The following HLA-DMA variants were observed in gnomAD, a reference collection of about 807,000 sequenced individuals.
HLA-DMA encodes HLA class II histocompatibility antigen, DM alpha chain.
HLA-DMA carries 20 observed loss-of-function variants against 27.3 expected under a neutral mutation model. That is an observed-to-expected ratio of 0.73 (90% CI 0.52 to 1.07). The LOEUF (loss-of-function observed/expected upper bound fraction) is 1.07. HLA-DMA is among the 50% of genes least tolerant of loss of function. The pLI is 0.00. For missense variants in HLA-DMA, 241 were observed against 321.7 expected, an observed-to-expected ratio of 0.75 and a Z score of 1.92; for synonymous variants, 111 against 126.8, an observed-to-expected ratio of 0.88 and a Z score of 0.83.
Position 32,949,492 on chromosome 6 carries a change from G to A in HLA-DMA, c.653-93C>T. The A allele has an allele frequency of 6.3e-7, 1 of 1,597,558 alleles. No individual in the cohort carries two copies. The highest frequency in any genetic ancestry group is 8.6e-7 in the Non-Finnish European group (1 of 1,166,952). On this transcript the variant is annotated intron_variant, in intron 3 of 4. Coordinates refer to ENST00000374843, the MANE Select transcript of HLA-DMA (RefSeq NM_006120.4). The surrounding 1 kb of genome is among the most constrained non-coding windows in gnomAD (Gnocchi z 5.8). ...GGTGTCTGGGATGACATGGGAGACT[G>A]GGATGGGCTTAGGGTAGGAATGGAC...
chr6:32,948,735 A>G lies in HLA-DMA; in HGVS notation c.*129T>C. The G allele has an allele frequency of 5.3e-6, 6 of 1,130,874 alleles. No homozygotes were observed. The South Asian group carries it at 7.6e-5, about 14-fold the overall frequency. 70.1% of individuals were successfully genotyped at this position (1,130,874 alleles called of 1,614,324 possible). A position where few individuals can be genotyped will look rare whatever the true frequency, so the allele number is the denominator to read the frequency against. On this transcript the variant is annotated 3_prime_UTR_variant, in exon 5 of 5. Coordinates refer to ENST00000374843, the MANE Select transcript of HLA-DMA (RefSeq NM_006120.4). ...AGCAGAGTCCCCAGGTGGGAAATCT[A>G]CACACACACCCCAGGGATGTCCCAG... is the stretch of plus-strand genomic sequence containing the variant.
At position 32,952,372 on chromosome 6, in the gene HLA-DMA, G is replaced by A. The variant is rs1481373802; in HGVS notation, c.88+577C>T. ...TCCTTAACCTACCAGGCCTCCCAAA[G>A]ACAGCAATGGGAGAAGTGACCCCAT... On this transcript the variant is annotated intron_variant, in intron 1 of 4. Coordinates refer to ENST00000374843, the MANE Select transcript of HLA-DMA (RefSeq NM_006120.4). The A allele has an allele frequency of 1.1e-5, 5 of 471,226 alleles. No homozygotes were observed. The East Asian group carries it at 3.5e-4, about 33-fold the overall frequency. The allele number at this position is 471,226 out of a possible 1,614,324, so 29.2% of individuals were successfully genotyped here.
In HLA-DMA at chr6:32,948,925, T is replaced by TCTC. The variant is rs967359482; in HGVS notation, c.782-60_782-58dup. On this transcript the variant is annotated intron_variant, in intron 4 of 4. Transcript: ENST00000374843. ...TCAGGGGATCCATCCTCCTCCTCCT[T>TCTC]CTCCTCCTCCTCCTCCCCCACAAAG... The TCTC allele has an allele frequency of 4.6e-5, 72 of 1,577,106 alleles. 1 individual carries two copies. Among genetic ancestry groups the TCTC allele is most frequent in the South Asian group, 5.7e-5 (5 of 87,702 alleles).
chr6:32,948,818 G>C lies in HLA-DMA; in HGVS notation c.*46C>G, dbSNP rs745477791. ...GATGTGAGAAATCTGAGCATCCTCT[G>C]TTTGGATGGCCGAAGCTGCTGGCAT... On this transcript the variant is annotated 3_prime_UTR_variant, in exon 5 of 5. Transcript: ENST00000374843. 4.3e-6 allele frequency: 7 copies of C among 1,612,478 alleles called. No individual in the cohort carries two copies. In the South Asian group the frequency reaches 7.7e-5, roughly 18 times the overall value.
intron 1 of HLA-DMA, chr6:32,952,476 C>G (rs1231583200): frequency 2.1e-6 from 1 of 467,036 alleles, no homozygotes; most frequent in South Asian, 1.6e-5. Flanking sequence ...AACCCAATAC[C>G]CAGAAAAACA....
Position 32,949,253 on chromosome 6 carries a change from C to A in HLA-DMA, c.781+18G>T, listed in dbSNP as rs2127479924. 6.2e-7 allele frequency: 1 copy of A among 1,614,142 alleles called. No homozygotes were observed. Among genetic ancestry groups the A allele is most frequent in the Non-Finnish European group, 8.5e-7 (1 of 1,180,002 alleles). ...ATCTGGCTCCCACAGGCTCACCCGC[C>A]CCCTCCAGATGACATACCACCTGAG... On this transcript the variant is annotated intron_variant, in intron 4 of 4. Coordinates refer to ENST00000374843, the MANE Select transcript of HLA-DMA (RefSeq NM_006120.4). The surrounding 1 kb of genome is among the most constrained non-coding windows in gnomAD (Gnocchi z 5.8).
In HLA-DMA at chr6:32,949,627, T is replaced by G; in HGVS notation, c.636A>C (p.Thr212=). ...CIVTHEIDRY[T]AIAYWVPRNA... is the part of the protein sequence containing the mutation. ...AAGCCTCACCCCAATAGGCAATTGC[T>G]GTGTAGCGGTCAATTTCGTGAGTCA... is the stretch of plus-strand genomic sequence containing the variant. The change falls in exon 3 of 5, where the codon ACA becomes ACC. Residue 212 remains threonine (T), a synonymous_variant. Coordinates refer to ENST00000374843, the MANE Select transcript of HLA-DMA (RefSeq NM_006120.4). The surrounding 1 kb of genome is among the most constrained non-coding windows in gnomAD (Gnocchi z 5.8). The G allele has an allele frequency of 6.2e-7, 1 of 1,613,088 alleles. No homozygotes were observed. Among genetic ancestry groups the G allele is most frequent in the Non-Finnish European group, 8.5e-7 (1 of 1,180,020 alleles).
In HLA-DMA at chr6:32,950,992, TA is replaced by T. The variant is rs1776873753; in HGVS notation, c.89-190del. On this transcript the variant is annotated intron_variant, in intron 1 of 4. Transcript: ENST00000374843. The surrounding 1 kb of genome is among the most constrained non-coding windows in gnomAD (Gnocchi z 5.0). ...CAGCATGGTGAAACTCCGTCTCTAC[TA>T]AAAATACAAAAAAGTAGCTGGGCAT... is the stretch of plus-strand genomic sequence containing the variant. Among the ~76,000 whole-genome samples the T allele has an allele frequency of 6.6e-6, 1 of 151,920 alleles. No individual in the cohort carries two copies. Among genetic ancestry groups the T allele is most frequent in the Non-Finnish European group, 1.5e-5 (1 of 67,972 alleles).
Position 32,948,760 on chromosome 6 carries a change from G to T in HLA-DMA, c.*104C>A. On this transcript the variant is annotated 3_prime_UTR_variant, in exon 5 of 5. Transcript: ENST00000374843. ...ACACACACACCCCAGGGATGTCCCAGAGACTTCTACCCTAAGAGGAGATCC... is the reference window on the plus strand; with the variant it reads ...ACACACACACCCCAGGGATGTCCCATAGACTTCTACCCTAAGAGGAGATCC... The T allele has an allele frequency of 1.1e-6, 1 of 884,662 alleles. No individual in the cohort carries two copies. The highest frequency in any genetic ancestry group is 4.6e-5 in the African/African-American group (1 of 21,962). The allele number at this position is 884,662 out of a possible 1,614,324, so 54.8% of individuals were successfully genotyped here.
rs760838967 is a variant in HLA-DMA, at chr6:32,948,856, T to A, written c.*8A>T. The stretch of plus-strand genomic sequence containing the variant: ...AAGCTGCTGGCATCAAACTCTGGTC[T>A]GGAAGAATCAGTCTGGGGGAGAGAC... On this transcript the variant is annotated 3_prime_UTR_variant, in exon 5 of 5. Transcript: ENST00000374843. The A allele has an allele frequency of 6.2e-7, 1 of 1,613,926 alleles. No individual in the cohort carries two copies. The highest frequency in any genetic ancestry group is 8.5e-7 in the Non-Finnish European group (1 of 1,179,960).
chr6:32,952,847 C>T (rs1230853197), intron 1 of HLA-DMA, 102 bp downstream of exon 1: 1 of 828,898 alleles, frequency 1.2e-6, no homozygotes, highest in Non-Finnish European at 2.0e-6. Context: ...TTTCCACTGC[C>T]TCATAAGACT....
rs1339344641 is a variant in HLA-DMA at position 32,949,103 on chromosome 6, C to T, written c.781+168G>A. Among the ~76,000 whole-genome samples the T allele has an allele frequency of 6.6e-6, 1 of 152,140 alleles. No homozygotes were observed. The highest frequency in any genetic ancestry group is 1.9e-4 in the East Asian group (1 of 5,196). Reference sequence around the variant, plus strand: ...CATAACTGTGTGTGTGTAACTGGGTCCCCAACTGGGAAGATGTGCCCCCAT... The same window carrying T: ...CATAACTGTGTGTGTGTAACTGGGTTCCCAACTGGGAAGATGTGCCCCCAT... On this transcript the variant is annotated intron_variant, in intron 4 of 4. Coordinates refer to ENST00000374843, the MANE Select transcript of HLA-DMA (RefSeq NM_006120.4). The surrounding 1 kb of genome is among the most constrained non-coding windows in gnomAD (Gnocchi z 5.8).
rs1412794477 is a variant in HLA-DMA, at chr6:32,948,633, T to TAC, written c.*230_*231insGT. On this transcript the variant is annotated 3_prime_UTR_variant, in exon 5 of 5. Coordinates refer to ENST00000374843, the MANE Select transcript of HLA-DMA (RefSeq NM_006120.4). ...CACACTGATATAAAGAAATGAGATT[T>TAC]ATTGCCTTGTGGGGGGAAGGGATGT... 1.7e-6 allele frequency: 1 copy of TAC among 601,922 alleles called. No individual in the cohort carries two copies. Among genetic ancestry groups the TAC allele is most frequent in the East Asian group, 2.8e-5 (1 of 35,458 alleles). The allele number at this position is 601,922 out of a possible 1,614,324, so 37.3% of individuals were successfully genotyped here.
In HLA-DMA at chr6:32,949,525, G is replaced by T; in HGVS notation, c.652+86C>A. The T allele has an allele frequency of 6.3e-7, 1 of 1,588,870 alleles. No homozygotes were observed. Among genetic ancestry groups the T allele is most frequent in the Non-Finnish European group, 8.6e-7 (1 of 1,161,668 alleles). ...CTTAGGGTAGGAATGGACTAAACAA[G>T]GTACCAGTGGAGAAAGAAGCCTCCT... is the stretch of plus-strand genomic sequence containing the variant. On this transcript the variant is annotated intron_variant, in intron 3 of 4. Coordinates refer to ENST00000374843, the MANE Select transcript of HLA-DMA (RefSeq NM_006120.4). The surrounding 1 kb of genome is among the most constrained non-coding windows in gnomAD (Gnocchi z 5.8).
At chr6:32,952,893 A>T in intron 1 of HLA-DMA, 56 bp downstream of exon 1, 1 of 1,385,822 alleles carries the variant, frequency 7.2e-7, no homozygotes, top group Non-Finnish European at 1.0e-6. Flanking sequence ...TTTTCCTCAC[A>T]AAGCTGAGTG....
In HLA-DMA at chr6:32,950,485, C is replaced by CCCTCCT; in HGVS notation, c.373+28_373+33dup. 6.2e-7 allele frequency: 1 copy of CCCTCCT among 1,609,088 alleles called. No homozygotes were observed. Among genetic ancestry groups the CCCTCCT allele is most frequent in the Non-Finnish European group, 8.5e-7 (1 of 1,176,948 alleles). On this transcript the variant is annotated intron_variant, in intron 2 of 4. Coordinates refer to ENST00000374843, the MANE Select transcript of HLA-DMA (RefSeq NM_006120.4). The surrounding 1 kb of genome is among the most constrained non-coding windows in gnomAD (Gnocchi z 5.0). ...GTACAGATCAATGAGGTTAATGCAGCCCTCCTCCCTTCACTCCCCAGAAAA... is the reference window on the plus strand; with the variant it reads ...GTACAGATCAATGAGGTTAATGCAGCCCTCCTCCTCCTCCCTTCACTCCCCAGAAAA...
chr6:32,950,402 T>G lies in HLA-DMA; in HGVS notation c.373+117A>C. The G allele has an allele frequency of 7.7e-7, 1 of 1,292,214 alleles. No individual in the cohort carries two copies. Among genetic ancestry groups the G allele is most frequent in the Admixed American group, 2.0e-5 (1 of 49,726 alleles). The allele number at this position is 1,292,214 out of a possible 1,614,324, so 80.0% of individuals were successfully genotyped here. ...AAGGCTGGTGGAAAAATTAAGGTGATGAAGAGAACCAGAAAGTATTTGAGA... is the reference window on the plus strand; with the variant it reads ...AAGGCTGGTGGAAAAATTAAGGTGAGGAAGAGAACCAGAAAGTATTTGAGA... On this transcript the variant is annotated intron_variant, in intron 2 of 4. Coordinates refer to ENST00000374843, the MANE Select transcript of HLA-DMA (RefSeq NM_006120.4). This position sits in a 1 kb window ranked among gnomAD's most constrained non-coding sequence, Gnocchi z 5.0.
chr6:32,951,916 G>A (rs1489548842), intron 1 of HLA-DMA, among the ~76,000 whole-genome samples: 3 of 152,040 alleles, frequency 2.0e-5, no homozygotes, highest in Non-Finnish European at 2.9e-5. Flanking sequence ...GTGACAGAGC[G>A]AGATGCCGTG....
rs3041686 is a variant in HLA-DMA at position 32,948,763 on chromosome 6, A to ACTT, written c.*98_*100dup. On this transcript the variant is annotated 3_prime_UTR_variant, in exon 5 of 5. Transcript: ENST00000374843. Reference sequence around the variant, plus strand: ...CACACACCCCAGGGATGTCCCAGAGACTTCTACCCTAAGAGGAGATCCTGG... The same window carrying ACTT: ...CACACACCCCAGGGATGTCCCAGAGACTTCTTCTACCCTAAGAGGAGATCCTGG... The ACTT allele has an allele frequency of 0.91, 1,239,015 of 1,359,534 alleles. 566,394 individuals are homozygous for ACTT. The highest frequency in any genetic ancestry group is 0.99 in the Middle Eastern group (5,425 of 5,498). The allele number at this position is 1,359,534 out of a possible 1,614,324, so 84.2% of individuals were successfully genotyped here.
Sources: allele counts gnomAD v4.1 joint callset (sites outside exome capture counted in the v4.1 genomes callset), GRCh38; gene constraint gnomAD v4.1.1; non-coding constraint Gnocchi (gnomAD v3.1); transcripts MANE v1.5; gene names NCBI Gene and HGNC (gene_info 2026-07-23, HGNC 2026-07-21).